Variants in FARS2 observed in about 807,000 individuals in gnomAD.
FARS2 encodes the protein phenylalanine--tRNA ligase, mitochondrial.
In FARS2, 40 loss-of-function variants were observed where a neutral mutation model predicts 46.4. That is an observed-to-expected ratio of 0.86 (90% CI 0.67 to 1.12). The LOEUF (loss-of-function observed/expected upper bound fraction) is 1.12, where lower values mean the gene tolerates loss of function less well. Ranked by LOEUF, FARS2 falls within the 50% of genes most tolerant of loss-of-function variation. FARS2 has a pLI of 0.00. For missense variants in FARS2, 513 were observed against 567.9 expected (o/e 0.90, Z 0.98); for synonymous variants, 234 against 214.9 (o/e 1.09, Z -0.78).
At chr6:5,668,763 G>A (rs766342909) in intron 6 of FARS2, among the ~76,000 whole-genome samples, 8 of 132,216 alleles carry the variant, frequency 6.1e-5, no homozygotes, top group African/African-American at 1.1e-4. Flanking sequence ...ACGTGATCTC[G>A]ACTCACTGCA....
chr6:5,540,638 T>C (rs927875459), intron 4 of FARS2, among the ~76,000 whole-genome samples: 1 of 152,252 alleles, frequency 6.6e-6, no homozygotes, highest in African/African-American at 2.4e-5. Context: ...AACTCGTTTA[T>C]GGAGTAGTCA....
intron 4 of FARS2, among the ~76,000 whole-genome samples, chr6:5,499,498 G>A (rs1157466236): frequency 6.6e-6 from 1 of 152,204 alleles, no homozygotes; most frequent in Non-Finnish European, 1.5e-5. Flanking sequence ...AGCACTGCTT[G>A]GGTCTGTGAG....
At chr6:5,435,149 A>T (rs543635757) in intron 4 of FARS2, among the ~76,000 whole-genome samples, 1 of 152,234 alleles carries the variant, frequency 6.6e-6, no homozygotes, top group Non-Finnish European at 1.5e-5. Flanking sequence ...CTAATAAGCT[A>T]TGCTCCCCAA....
chr6:5,575,193 C>T (rs767003758), intron 5 of FARS2, among the ~76,000 whole-genome samples: 14 of 152,154 alleles, frequency 9.2e-5, no homozygotes, highest in Non-Finnish European at 1.8e-4. Flanking sequence ...CCATAAAGCA[C>T]AAAATTCCAA....
chr6:5,414,937 C>T lies in FARS2; in HGVS notation c.772+10236C>T, dbSNP rs578258740. ...TTCAAGCAATTCTCTGCCTCAGCCCCGCGAGTAGCTGAGATTACAGGCACC... is the reference window on the plus strand; with the variant it reads ...TTCAAGCAATTCTCTGCCTCAGCCCTGCGAGTAGCTGAGATTACAGGCACC... On this transcript the variant is annotated intron_variant, in intron 3 of 6. Transcript: ENST00000274680. Among the ~76,000 whole-genome samples the T allele has an allele frequency of 4.0e-3, 609 of 151,274 alleles. 2 individuals carry two copies. Among genetic ancestry groups the T allele is most frequent in the African/African-American group, 0.014 (576 of 41,180 alleles).
intron 5 of FARS2, among the ~76,000 whole-genome samples, chr6:5,586,663 C>T (rs1773628364): frequency 6.6e-6 from 1 of 151,832 alleles, no homozygotes; most frequent in Non-Finnish European, 1.5e-5. Flanking sequence ...TTCTTTCTTT[C>T]TTTCTTTTGT....
At chr6:5,664,844 T>C (rs11243029) in intron 6 of FARS2, 55,708 of 152,146 alleles carry the variant, frequency 0.37, 10,715 homozygotes, top group Middle Eastern at 0.59. Flanking sequence ...ATTAGAAGTC[T>C]TGTTCCTGCT....
intron 3 of FARS2, among the ~76,000 whole-genome samples, chr6:5,405,559 C>T (rs1761536029): frequency 7.8e-6 from 1 of 128,832 alleles, no homozygotes. Context: ...GTGGGGTGAT[C>T]TCAGCTCACT....
intron 4 of FARS2, among the ~76,000 whole-genome samples, chr6:5,530,993 G>T (rs1769791834): frequency 6.6e-6 from 1 of 151,266 alleles, no homozygotes. Flanking sequence ...CAGGGCTGCT[G>T]ATCTCCAGCT....
At chr6:5,705,310 CAG>C (rs202123253) in intron 6 of FARS2, among the ~76,000 whole-genome samples, 1,628 of 152,316 alleles carry the variant, frequency 0.011, 28 homozygotes, top group African/African-American at 0.037. Context: ...ACTTCATGCT[CAG>C]AGGAAAAGCA....
At chr6:5,687,978 C>T (rs1757379493) in intron 6 of FARS2, among the ~76,000 whole-genome samples, 1 of 152,162 alleles carries the variant, frequency 6.6e-6, no homozygotes, top group African/African-American at 2.4e-5. Flanking sequence ...AATGGGAGTT[C>T]ACTCATGATT....
intron 1 of FARS2, among the ~76,000 whole-genome samples, chr6:5,295,509 A>G (rs1387797423): frequency 6.6e-6 from 1 of 152,164 alleles, no homozygotes; most frequent in African/African-American, 2.4e-5. Flanking sequence ...AAAACGTTTT[A>G]AAAAGGATCA....
chr6:5,723,608 C>T (rs906536091), intron 6 of FARS2, among the ~76,000 whole-genome samples: 12 of 152,284 alleles, frequency 7.9e-5, no homozygotes, highest in African/African-American at 2.6e-4. Flanking sequence ...CTGCCTCTCT[C>T]GATCCATTTT....
chr6:5,683,999 T>A (rs765680422), intron 6 of FARS2, among the ~76,000 whole-genome samples: 4 of 152,202 alleles, frequency 2.6e-5, no homozygotes, highest in Non-Finnish European at 5.9e-5. Flanking sequence ...ATGTGCCACA[T>A]TTTCTTTTTC....
intron 6 of FARS2, among the ~76,000 whole-genome samples, chr6:5,653,015 A>G (rs1320467854): frequency 6.6e-6 from 1 of 152,190 alleles, no homozygotes. Context: ...TGTATTTATA[A>G]AGCATGCCAT....
chr6:5,738,869 C>A (rs9502333), intron 6 of FARS2, among the ~76,000 whole-genome samples: 32 of 151,956 alleles, frequency 2.1e-4, no homozygotes, highest in Non-Finnish European at 4.1e-4. Flanking sequence ...TTTTCTAGAA[C>A]GTAAGACAAA....
intron 2 of FARS2, among the ~76,000 whole-genome samples, chr6:5,372,799 A>T (rs1759138623): frequency 6.6e-6 from 1 of 152,132 alleles, no homozygotes. Flanking sequence ...AACAAAACTG[A>T]TGATGTTAGC....
rs1457837259 is a variant in FARS2 at position 5,343,951 on chromosome 6, C to G, written c.-21-24599C>G. Among the ~76,000 whole-genome samples, 1 of 152,234 alleles carries G rather than the reference C, an allele frequency of 6.6e-6. No homozygotes were observed. The highest frequency in any genetic ancestry group is 1.9e-4 in the East Asian group (1 of 5,206). On this transcript the variant is annotated intron_variant, in intron 1 of 6. Coordinates refer to ENST00000274680, the MANE Select transcript of FARS2 (RefSeq NM_006567.5). This position sits in a 1 kb window ranked among gnomAD's most constrained non-coding sequence, Gnocchi z 4.5. ...GTGCATGGCAATGGCTAAGAATGGG[C>G]ACTGCCTGCTTCTGAGGTGTCCTCT...
At chr6:5,506,803 CT>C (rs1768126561) in intron 4 of FARS2, among the ~76,000 whole-genome samples, 1 of 152,194 alleles carries the variant, frequency 6.6e-6, no homozygotes, top group Non-Finnish European at 1.5e-5. Flanking sequence ...GAGAATCGCT[CT>C]GAAAGTTCGT....
Sources: allele counts gnomAD v4.1 joint callset (sites outside exome capture counted in the v4.1 genomes callset), GRCh38; gene constraint gnomAD v4.1.1; non-coding constraint Gnocchi (gnomAD v3.1); transcripts MANE v1.5; gene names NCBI Gene and HGNC (gene_info 2026-07-23, HGNC 2026-07-21).